Variants in MESD observed in about 807,000 individuals in gnomAD.
The protein encoded by MESD is LRP chaperone MESD.
In MESD, 7 loss-of-function variants were observed where a neutral mutation model predicts 12.9. That is an observed-to-expected ratio of 0.54 (90% CI 0.31 to 1.02). The LOEUF is 1.02. Ranked by LOEUF, MESD falls within the 50% of genes least tolerant of loss-of-function variation. The pLI is 0.05. For missense variants in MESD, 342 were observed against 296.7 expected (o/e 1.15, Z -1.12); for synonymous variants, 126 against 115.6 (o/e 1.09, Z -0.58).
At chr15:80,980,885 G>A (rs1902556790) in intron 2 of MESD, among the ~76,000 whole-genome samples, 1 of 149,454 alleles carries the variant, frequency 6.7e-6, no homozygotes, top group Non-Finnish European at 1.5e-5. Flanking sequence ...GTGCAGTGAC[G>A]CAATCTCGGC....
rs1902500569 is a variant in MESD, at chr15:80,979,112, A to G, written c.*107T>C. 7.7e-6 allele frequency: 11 copies of G among 1,437,642 alleles called. No homozygotes were observed. Among genetic ancestry groups the G allele is most frequent in the Middle Eastern group, 1.9e-4 (1 of 5,342 alleles). 89.1% of individuals were successfully genotyped at this position (1,437,642 alleles called of 1,614,324 possible). On this transcript the variant is annotated 3_prime_UTR_variant, in exon 3 of 3. Coordinates refer to ENST00000261758, the MANE Select transcript of MESD (RefSeq NM_015154.3). The stretch of plus-strand genomic sequence containing the variant: ...TGGCAGACCCTTTCTAGAAGACACT[A>G]GAATGTCATCCGGTGTGCAGTTGCC...
At chr15:80,972,040 A>G (rs1902299629), downstream of MESD, among the ~76,000 whole-genome samples, 1 of 152,130 alleles carries the variant, frequency 6.6e-6, no homozygotes, top group Non-Finnish European at 1.5e-5. Flanking sequence ...GTGGATAACT[A>G]AAAAAACTCA....
rs1406645856 is a variant in MESD at position 80,979,488 on chromosome 15, G to A, written c.447-11C>T. 6.2e-7 allele frequency: 1 copy of A among 1,611,436 alleles called. No individual in the cohort carries two copies. Among genetic ancestry groups the A allele is most frequent in the Non-Finnish European group, 8.5e-7 (1 of 1,177,984 alleles). On this transcript the variant is annotated splice_polypyrimidine_tract_variant and intron_variant, in intron 2 of 2. Coordinates refer to ENST00000261758, the MANE Select transcript of MESD (RefSeq NM_015154.3). ...GATCCCACAATGAACCTTGGGCAGA[G>A]AGATGCAATCAGTCAGCCAGCACGT...
chr15:80,949,952 C>G (rs1901746191), intron 4 of MESD: 1 of 152,212 alleles, frequency 6.6e-6, no homozygotes, highest in African/African-American at 2.4e-5. Context: ...TCACGTCTCT[C>G]TGGCCCACTC....
At chr15:80,949,059 C>A in intron 4 of MESD, 2 of 1,197,476 alleles carry the variant, frequency 1.7e-6, no homozygotes, top group Non-Finnish European at 2.5e-6. Context: ...CCCTGATGGG[C>A]CAAGGGAAGG....
chr15:80,980,070 C>T (rs1902533624), intron 2 of MESD, among the ~76,000 whole-genome samples: 2 of 152,282 alleles, frequency 1.3e-5, no homozygotes, highest in South Asian at 4.1e-4. Flanking sequence ...TGGGTGGAGC[C>T]CTAGTGTGGC....
chr15:80,974,510 A>G (rs1337598598), downstream of MESD, among the ~76,000 whole-genome samples: 1 of 152,192 alleles, frequency 6.6e-6, no homozygotes, highest in Non-Finnish European at 1.5e-5. Context: ...TTTGAGTAAT[A>G]GAAGTTAATA....
chr15:80,956,626 A>T (rs1480857191), intron 3 of MESD, among the ~76,000 whole-genome samples: 1 of 152,198 alleles, frequency 6.6e-6, no homozygotes, highest in Non-Finnish European at 1.5e-5. Flanking sequence ...CCACAAAGAT[A>T]TTGCAATAAG....
In MESD at chr15:80,978,538, T is replaced by C. The variant is rs1253505400; in HGVS notation, c.*681A>G. 6.6e-6 allele frequency: 1 copy of C among 152,254 alleles called. No homozygotes were observed. The highest frequency in any genetic ancestry group is 1.5e-5 in the Non-Finnish European group (1 of 68,080). The allele number at this position is 152,254 out of a possible 1,614,324, so 9.4% of individuals were successfully genotyped here. On this transcript the variant is annotated 3_prime_UTR_variant, in exon 3 of 3. Coordinates refer to ENST00000261758, the MANE Select transcript of MESD (RefSeq NM_015154.3). ...ACCCCTCGACACCAGCAGTACTCTTTCCTAAATAAGGAAACAAAACAGAAC... is the reference window on the plus strand; with the variant it reads ...ACCCCTCGACACCAGCAGTACTCTTCCCTAAATAAGGAAACAAAACAGAAC...
chr15:80,985,376 T>C (rs1221978853), intron 1 of MESD, among the ~76,000 whole-genome samples: 1 of 152,200 alleles, frequency 6.6e-6, no homozygotes, highest in Non-Finnish European at 1.5e-5. Flanking sequence ...CTGTTGGCTA[T>C]GACACTGCTG....
intron 3 of MESD, chr15:80,970,414 C>T (rs1468750877): frequency 6.6e-6 from 1 of 152,222 alleles, no homozygotes; most frequent in African/African-American, 2.4e-5. Context: ...AAGGCACTCG[C>T]TGGCCTCGTG....
At chr15:80,951,385 T>C (rs1489199052) in intron 4 of MESD, 1 of 152,630 alleles carries the variant, frequency 6.6e-6, no homozygotes, top group African/African-American at 2.4e-5. Flanking sequence ...AGCACAAATT[T>C]TCTTATTGCT....
intron 1 of MESD, among the ~76,000 whole-genome samples, 154 bp downstream of exon 1, chr15:80,989,425 G>A (rs1384653381): frequency 6.6e-6 from 1 of 152,150 alleles, no homozygotes; most frequent in Admixed American, 6.5e-5. Context: ...AGGAATGGAG[G>A]GTCAACAGTG....
In MESD at chr15:80,953,025, A is replaced by T. The variant is rs57365883; in HGVS notation, c.*289-729T>A. On this transcript the variant is annotated intron_variant, in intron 3 of 4. Transcript: ENST00000561312. ...GGGAAGGTCAGTGAGTGGAAGTAGG[A>T]CAGGTGTTGGCCTGAGAGTCAGAGA... 3 of 455,914 alleles carry T rather than the reference A, an allele frequency of 6.6e-6. No homozygotes were observed. In the Admixed American group the frequency reaches 7.0e-5, roughly 11 times the overall value. The allele number at this position is 455,914 out of a possible 1,614,324, so 28.2% of individuals were successfully genotyped here. A position where few individuals can be genotyped will look rare whatever the true frequency, so the allele number is the denominator to read the frequency against.
intron 3 of MESD, among the ~76,000 whole-genome samples, chr15:80,958,655 C>G (rs1174119455): frequency 6.6e-6 from 1 of 151,922 alleles, no homozygotes; most frequent in Non-Finnish European, 1.5e-5. Context: ...TTTTCATATC[C>G]AAACACTCAT....
In MESD at chr15:80,989,681, C is replaced by G. The variant is rs1893244833; in HGVS notation, c.111G>C (p.Ser37=). ...GGGTAGACTCGTCGGGCGTCCCGGG[C>G]GAGCCTTCGGCCGCGCAGGACCCAG... ...PPPGSCAAEG[S]PGTPDESTPP... is the part of the protein sequence containing the mutation. Residue 37 remains serine (S), a synonymous_variant, in exon 1 of 3, where the codon TCG becomes TCC. Transcript: ENST00000261758. The G allele has an allele frequency of 2.5e-6, 4 of 1,612,928 alleles. No homozygotes were observed. Among genetic ancestry groups the G allele is most frequent in the Non-Finnish European group, 3.4e-6 (4 of 1,180,004 alleles).
At chr15:80,949,563 T>C (rs1475770634) in intron 4 of MESD, 1 of 164,432 alleles carries the variant, frequency 6.1e-6, no homozygotes, top group Non-Finnish European at 1.3e-5. Flanking sequence ...AGTTCTGAGA[T>C]TCCAGAAATC....
intron 3 of MESD, among the ~76,000 whole-genome samples, chr15:80,969,780 G>A (rs571644584): frequency 2.1e-4 from 32 of 152,256 alleles, no homozygotes; most frequent in South Asian, 1.2e-3. Flanking sequence ...ACTTGAATCC[G>A]GGAGGCGGAA....
intron 3 of MESD, among the ~76,000 whole-genome samples, chr15:80,961,828 C>CT (rs1902092133): frequency 2.0e-5 from 3 of 152,202 alleles, no homozygotes; most frequent in Non-Finnish European, 4.4e-5. Context: ...CTTACAAGAG[C>CT]TCCTGAAGGA....
Sources: gnomAD v4.1 joint callset for allele counts (sites outside exome capture counted in the v4.1 genomes callset) on GRCh38, gnomAD v4.1.1 for gene constraint, MANE v1.5 for transcripts, NCBI Gene and HGNC (gene_info 2026-07-23, HGNC 2026-07-21) for gene names.